RNF216: variants seen among roughly 807,000 people sequenced by gnomAD.
RNF216 encodes ring finger protein 216.
Under a neutral mutation model 110.8 loss-of-function variants are expected in RNF216, and 72 were observed. The ratio of observed to expected loss-of-function variants is 0.65; its 90% CI spans 0.54 to 0.79. RNF216 has a LOEUF of 0.79. Ranked by LOEUF, RNF216 falls within the 30% of genes least tolerant of loss-of-function variation. The pLI is 0.00. For synonymous variants in RNF216, 495 were observed against 407.5 expected (o/e 1.21, Z -2.59); for missense variants, 1,342 against 1,141.2 (o/e 1.18, Z -2.54).
At chr7:5,719,797 G>C (rs1382732150) in intron 9 of RNF216, among the ~76,000 whole-genome samples, 1 of 152,060 alleles carries the variant, frequency 6.6e-6, no homozygotes, top group Non-Finnish European at 1.5e-5. Flanking sequence ...TAGTTTTTCT[G>C]TCACTTTTTT....
intron 14 of RNF216, 109 bp from the exon 15 acceptor site, chr7:5,641,485 T>C (rs1787729790): frequency 1.1e-6 from 1 of 904,994 alleles, no homozygotes; most frequent in Admixed American, 2.4e-5. Flanking sequence ...TATGGCTTTT[T>C]TGTGACATTA....
intron 13 of RNF216, among the ~76,000 whole-genome samples, chr7:5,687,847 G>A (rs187802679): frequency 1.4e-3 from 207 of 152,320 alleles, no homozygotes; most frequent in African/African-American, 4.9e-3. Flanking sequence ...CCCAGTGGGT[G>A]AGGCAGAGAT....
rs757331434 is a variant in RNF216 at position 5,729,608 on chromosome 7, G to T, written c.1225-12C>A. ...TCTATTTTAGGCAACTGAAATGAGA[G>T]AGAAGCATAAAATCAGAGGCCAGGC... is the stretch of plus-strand genomic sequence containing the variant. On this transcript the variant is annotated splice_polypyrimidine_tract_variant and intron_variant, in intron 6 of 16. Transcript: ENST00000389902. 3 of 1,611,264 alleles carry T rather than the reference G, an allele frequency of 1.9e-6. No homozygotes were observed. In the East Asian group the frequency reaches 6.7e-5, roughly 36 times the overall value.
chr7:5,704,951 C>T (rs1792190935), intron 13 of RNF216, among the ~76,000 whole-genome samples: 1 of 152,194 alleles, frequency 6.6e-6, no homozygotes, highest in Non-Finnish European at 1.5e-5. Context: ...AATCATAACA[C>T]ACATTCTCTC....
intron 13 of RNF216, among the ~76,000 whole-genome samples, chr7:5,658,281 G>A (rs1026281036): frequency 3.9e-5 from 6 of 152,194 alleles, no homozygotes; most frequent in African/African-American, 1.4e-4. Flanking sequence ...AGAACCAGAT[G>A]CTCAAACCAA....
rs189150153 is a variant in RNF216 at position 5,771,607 on chromosome 7, G to C, written c.-70+9934C>G. Among the ~76,000 whole-genome samples, 104 of 151,440 alleles carry C rather than the reference G, an allele frequency of 6.9e-4. 2 individuals carry two copies. In the East Asian group the frequency reaches 0.011, roughly 16 times the overall value. On this transcript the variant is annotated intron_variant, in intron 1 of 16. Transcript: ENST00000389902. ...AGCTCAGGAGTCTGAGACCAGCCTG[G>C]ACAACATGGCAAAACCCATTTCTAC...
At chr7:5,774,670 T>C (rs938154478) in intron 1 of RNF216, among the ~76,000 whole-genome samples, 1 of 152,116 alleles carries the variant, frequency 6.6e-6, no homozygotes, top group Non-Finnish European at 1.5e-5. Context: ...ATAGCTGCAT[T>C]GTAATCACAA....
chr7:5,623,221 A>C, intron 16 of RNF216, 42 bp from the exon 17 acceptor site: 1 of 1,510,702 alleles, frequency 6.6e-7, no homozygotes, highest in South Asian at 1.3e-5. Flanking sequence ...ACATTAAACC[A>C]ACCTCAATGG....
chr7:5,651,361 G>A (rs1788375970), intron 14 of RNF216, among the ~76,000 whole-genome samples: 1 of 151,946 alleles, frequency 6.6e-6, no homozygotes, highest in Admixed American at 6.6e-5. Flanking sequence ...CAAGTAGCTG[G>A]GACTACAGGT....
At chr7:5,685,827 T>A (rs117811344) in intron 13 of RNF216, among the ~76,000 whole-genome samples, 2,972 of 152,338 alleles carry the variant, frequency 0.02, 45 homozygotes, top group Non-Finnish European at 0.031. Context: ...TAAATATGTA[T>A]GTTAAGAAGG....
rs150296339 is a variant in RNF216 at position 5,741,754 on chromosome 7, A to C, written c.263T>G (p.Leu88Arg). ...AGGCCTTTCTTCTCCCAACCTTTTC[A>C]GATCTTGCCACTGGGCAGCTGGTTT... ...LIKPAAQWQD[L>R]KRLGEERPKK... The change falls in exon 4 of 17, where the codon CTG (leucine) becomes CGG (arginine). Residue 88 changes from leucine (L) to arginine (R), a missense_variant. Coordinates refer to ENST00000389902, the MANE Select transcript of RNF216 (RefSeq NM_207111.4). 11 of 1,614,028 alleles carry C rather than the reference A, an allele frequency of 6.8e-6. No individual in the cohort carries two copies. Among genetic ancestry groups the C allele is most frequent in the Non-Finnish European group, 9.3e-6 (11 of 1,180,036 alleles).
chr7:5,742,738 G>A (rs1354686114), intron 3 of RNF216, among the ~76,000 whole-genome samples: 1 of 151,674 alleles, frequency 6.6e-6, no homozygotes, highest in Non-Finnish European at 1.5e-5. Flanking sequence ...TGGGATTATA[G>A]GCGCACACCT....
intron 13 of RNF216, among the ~76,000 whole-genome samples, chr7:5,697,655 A>G (rs946303389): frequency 6.6e-6 from 1 of 152,144 alleles, no homozygotes; most frequent in African/African-American, 2.4e-5. Flanking sequence ...GCCTGGGGAA[A>G]GGTTTTGATG....
At chr7:5,623,384 T>C (rs552919098) in intron 16 of RNF216, among the ~76,000 whole-genome samples, 1 of 152,060 alleles carries the variant, frequency 6.6e-6, no homozygotes, top group South Asian at 2.1e-4. Flanking sequence ...CAGTGGCACC[T>C]TGGAAGGTGG....
At chr7:5,747,929 C>T (rs1280187220) in intron 3 of RNF216, among the ~76,000 whole-genome samples, 1 of 152,050 alleles carries the variant, frequency 6.6e-6, no homozygotes, top group Non-Finnish European at 1.5e-5. Context: ...AGGTTTTGAG[C>T]CACTGTGTCT....
rs201172961 is a variant in RNF216 at position 5,774,759 on chromosome 7, C to CT, written c.-70+6781dup. 2.7e-3 allele frequency among the ~76,000 whole-genome samples: 393 copies of CT among 148,178 alleles called. 1 individual carries two copies. The highest frequency in any genetic ancestry group is 0.017 in the East Asian group (86 of 4,996). On this transcript the variant is annotated intron_variant, in intron 1 of 16. Coordinates refer to ENST00000389902, the MANE Select transcript of RNF216 (RefSeq NM_207111.4). ...ATCTTTATTTTCCCATTCCAAGTTACTTTTTTTTTTTTTATTGAGACGAAG... is the reference window on the plus strand; with the variant it reads ...ATCTTTATTTTCCCATTCCAAGTTACTTTTTTTTTTTTTTATTGAGACGAAG...
At chr7:5,627,836 G>A (rs1786810393) in intron 15 of RNF216, among the ~76,000 whole-genome samples, 1 of 152,112 alleles carries the variant, frequency 6.6e-6, no homozygotes, top group South Asian at 2.1e-4. Flanking sequence ...TCTCTTTTGG[G>A]GAGAAGAGCT....
chr7:5,722,161 T>C (rs1793466801), intron 8 of RNF216, among the ~76,000 whole-genome samples: 2 of 152,182 alleles, frequency 1.3e-5, no homozygotes, highest in South Asian at 4.1e-4. Context: ...CTGGGCTAAA[T>C]GATCCACCAG....
intron 13 of RNF216, among the ~76,000 whole-genome samples, chr7:5,676,672 C>T (rs1335413783): frequency 6.6e-6 from 1 of 152,232 alleles, no homozygotes; most frequent in Non-Finnish European, 1.5e-5. Flanking sequence ...CAGCTTCCGG[C>T]TGAAAAGTCT....
Sources: gnomAD v4.1 joint callset for allele counts (sites outside exome capture counted in the v4.1 genomes callset) on GRCh38, gnomAD v4.1.1 for gene constraint, MANE v1.5 for transcripts, NCBI Gene and HGNC (gene_info 2026-07-23, HGNC 2026-07-21) for gene names.